PALLD: variants seen among roughly 807,000 people sequenced by gnomAD.
PALLD encodes the protein palladin.
In PALLD, 61 loss-of-function variants were observed where a neutral mutation model predicts 123.5. That is an observed-to-expected ratio of 0.49 (90% CI 0.40 to 0.61). The LOEUF (loss-of-function observed/expected upper bound fraction) is 0.61, where lower values mean the gene tolerates loss of function less well. PALLD is among the 20% of genes least tolerant of loss of function. The pLI is 0.00. For synonymous variants in PALLD, 465 were observed against 496.4 expected (o/e 0.94, Z 0.84); for missense variants, 1,273 against 1,377.0 (o/e 0.92, Z 1.20).
chr4:168,537,467 A>G (rs538792660), intron 2 of PALLD, among the ~76,000 whole-genome samples: 1 of 152,314 alleles, frequency 6.6e-6, no homozygotes, highest in East Asian at 1.9e-4. Flanking sequence ...ACTGGAGCAA[A>G]TTGTTTAGCT....
intron 2 of PALLD, among the ~76,000 whole-genome samples, chr4:168,524,616 C>A (rs920641856): frequency 2.0e-5 from 3 of 152,144 alleles, no homozygotes; most frequent in African/African-American, 7.2e-5. Flanking sequence ...AACTGCTATA[C>A]TCTACTGCCA....
At chr4:168,846,694 T>G (rs1254461180) in intron 10 of PALLD, among the ~76,000 whole-genome samples, 3 of 152,126 alleles carry the variant, frequency 2.0e-5, no homozygotes, top group African/African-American at 7.2e-5. Context: ...CAGAGGAAGA[T>G]AGGAGTCCTC....
intron 2 of PALLD, among the ~76,000 whole-genome samples, chr4:168,607,093 G>T (rs1006722059): frequency 6.6e-6 from 1 of 152,286 alleles, no homozygotes; most frequent in African/African-American, 2.4e-5. Flanking sequence ...GATGGGGATG[G>T]GAGTTGACAG....
chr4:168,509,542 A>G (rs1367045472), intron 1 of PALLD, among the ~76,000 whole-genome samples: 1 of 152,200 alleles, frequency 6.6e-6, no homozygotes, highest in Non-Finnish European at 1.5e-5. Flanking sequence ...GAATAACTGG[A>G]GACCAGTCAG....
At chr4:168,853,673 G>A (rs1748141815) in intron 10 of PALLD, among the ~76,000 whole-genome samples, 1 of 152,134 alleles carries the variant, frequency 6.6e-6, no homozygotes, top group Non-Finnish European at 1.5e-5. Flanking sequence ...GAATGGGGGT[G>A]GGAGGGAGAA....
chr4:168,607,464 G>T (rs1218913354), intron 2 of PALLD, among the ~76,000 whole-genome samples: 1 of 152,146 alleles, frequency 6.6e-6, no homozygotes, highest in East Asian at 1.9e-4. Flanking sequence ...TTTTCTGTAA[G>T]AATTGAATAA....
chr4:168,836,303 G>C (rs879420604), intron 10 of PALLD, among the ~76,000 whole-genome samples: 1 of 152,210 alleles, frequency 6.6e-6, no homozygotes, highest in East Asian at 1.9e-4. Flanking sequence ...GTTGGAAGGC[G>C]TAATGGCTTA....
intron 8 of PALLD, among the ~76,000 whole-genome samples, chr4:168,704,112 G>C (rs1448865088): frequency 1.3e-5 from 2 of 151,598 alleles, no homozygotes; most frequent in Non-Finnish European, 2.9e-5. Flanking sequence ...TGACAAACCT[G>C]AGAAAAACAG....
chr4:168,838,810 G>A (rs190823906), intron 10 of PALLD, among the ~76,000 whole-genome samples: 2 of 150,824 alleles, frequency 1.3e-5, no homozygotes, highest in Non-Finnish European at 1.5e-5. Flanking sequence ...TAAGCTTTTC[G>A]TCCTAATTGT....
intron 8 of PALLD, among the ~76,000 whole-genome samples, chr4:168,705,530 T>C (rs1680634137): frequency 6.6e-6 from 1 of 152,252 alleles, no homozygotes. Flanking sequence ...TTTGTTCTTA[T>C]TGTTCTTCAA....
intron 3 of PALLD, among the ~76,000 whole-genome samples, chr4:168,668,670 AAC>A (rs1303822523): frequency 6.6e-6 from 1 of 152,250 alleles, no homozygotes; most frequent in Non-Finnish European, 1.5e-5. Flanking sequence ...GAAGCATAGA[AAC>A]ACAATTGAAA....
intron 1 of PALLD, among the ~76,000 whole-genome samples, chr4:168,510,217 G>A (rs922210170): frequency 4.6e-5 from 7 of 152,162 alleles, no homozygotes; most frequent in African/African-American, 1.7e-4. Flanking sequence ...GTAACAAGGA[G>A]TCATTGCTTC....
chr4:168,813,680 A>C (rs1581605169), intron 10 of PALLD, among the ~76,000 whole-genome samples: 1 of 152,138 alleles, frequency 6.6e-6, no homozygotes, highest in South Asian at 2.1e-4. Flanking sequence ...GACTGGTCTT[A>C]AACTCCTGGC....
intron 1 of PALLD, among the ~76,000 whole-genome samples, chr4:168,499,058 G>A (rs189123591): frequency 2.7e-4 from 41 of 150,976 alleles, no homozygotes; most frequent in African/African-American, 9.2e-4. Flanking sequence ...AATTAGAAAG[G>A]AAAATAATCC....
At chr4:168,894,353 G>T in intron 11 of PALLD, 1 of 561,378 alleles carries the variant, frequency 1.8e-6, no homozygotes. Context: ...TTAAATTTGT[G>T]CTGTACCAAT....
chr4:168,499,305 AGGAAGGGAGGGAGACATGGAAGAAGGG>A (rs1761127880), intron 1 of PALLD, among the ~76,000 whole-genome samples: 2 of 68,264 alleles, frequency 2.9e-5, no homozygotes, highest in African/African-American at 6.3e-5. Context: ...GATGGGAGGG[AGGAAGGGAGGGAGACATGGAAGAAGGG>A]GGAAGGGAGG....
In PALLD at chr4:168,711,801, T is replaced by A. The variant is rs150443035; in HGVS notation, c.1842T>A (p.His614Gln). ...NAAERETNGV[H>Q]PSRGVNGLIN... Reference sequence around the variant, plus strand: ...CTGAGAGGGAAACGAACGGAGTCCATCCCAGCCGTGGAGTAAATGGACTGA... The same window carrying A: ...CTGAGAGGGAAACGAACGGAGTCCAACCCAGCCGTGGAGTAAATGGACTGA... Residue 614 changes from histidine to glutamine, a missense_variant, in exon 10 of 22, where the codon CAT becomes CAA. Physicochemically the swap from His to Gln is conservative, Grantham distance 24. This residue lies in a region of PALLD where 944 missense variants were observed against 954.5 expected (regional missense o/e 0.99). Coordinates refer to ENST00000505667, the MANE Select transcript of PALLD (RefSeq NM_001166108.2). The A allele has an allele frequency of 2.6e-4, 414 of 1,613,978 alleles. No individual in the cohort carries two copies. Among genetic ancestry groups the A allele is most frequent in the Non-Finnish European group, 3.2e-4 (373 of 1,180,012 alleles).
At chr4:168,783,768 A>C (rs764125427) in intron 10 of PALLD, among the ~76,000 whole-genome samples, 1 of 152,210 alleles carries the variant, frequency 6.6e-6, no homozygotes, top group Non-Finnish European at 1.5e-5. Flanking sequence ...GGTTGATAAG[A>C]TATGGTAAGA....
intron 14 of PALLD, among the ~76,000 whole-genome samples, chr4:168,901,373 G>A (rs1394051434): frequency 3.3e-5 from 5 of 152,142 alleles, no homozygotes; most frequent in East Asian, 1.9e-4. Flanking sequence ...GTGCCCTCCC[G>A]AATTTCTCCC....
Sources: allele counts gnomAD v4.1 joint callset (sites outside exome capture counted in the v4.1 genomes callset), GRCh38; gene constraint gnomAD v4.1.1; regional missense constraint gnomAD v4.1.1; transcripts MANE v1.5; gene names NCBI Gene and HGNC (gene_info 2026-07-23, HGNC 2026-07-21).